Variants in GALNT13 observed in about 807,000 individuals in gnomAD.
GALNT13 encodes the protein polypeptide N-acetylgalactosaminyltransferase 13.
Under a neutral mutation model 64.2 loss-of-function variants are expected in GALNT13, and 28 were observed. The observed-to-expected ratio is 0.44, with a 90% CI of 0.32 to 0.60. The LOEUF (loss-of-function observed/expected upper bound fraction) is 0.60. Ranked by LOEUF, GALNT13 falls within the 20% of genes least tolerant of loss-of-function variation. GALNT13 has a pLI of 0.05. For missense variants in GALNT13, 577 were observed against 669.8 expected, an observed-to-expected ratio of 0.86 and a Z score of 1.53; for synonymous variants, 214 against 224.6, an observed-to-expected ratio of 0.95 and a Z score of 0.42.
chr2:153,726,855 G>A, the GALNT13 span, among the ~76,000 whole-genome samples: 2 of 150,652 alleles, frequency 1.3e-5, no homozygotes, highest in Non-Finnish European at 2.9e-5. Flanking sequence ...CGGGAGAATG[G>A]TGTGAACCCG....
intron 9 of GALNT13, among the ~76,000 whole-genome samples, chr2:154,355,005 C>A (rs1431209257): frequency 6.6e-6 from 1 of 152,058 alleles, no homozygotes. Flanking sequence ...AAATTAGATT[C>A]AGTTGGAATT....
At chr2:154,337,701 A>G (rs1211621084) in intron 9 of GALNT13, among the ~76,000 whole-genome samples, 1 of 152,126 alleles carries the variant, frequency 6.6e-6, no homozygotes, top group Non-Finnish European at 1.5e-5. Context: ...TACAGTAAAT[A>G]TTAATTGCCC....
the GALNT13 span, among the ~76,000 whole-genome samples, chr2:153,271,114 A>G: frequency 1.1e-4 from 17 of 152,208 alleles, no homozygotes; most frequent in African/African-American, 4.1e-4. Context: ...TTGATGGAAC[A>G]TATCTCAAAA....
At chr2:154,302,670 T>G (rs1346702299) in intron 9 of GALNT13, among the ~76,000 whole-genome samples, 1 of 152,162 alleles carries the variant, frequency 6.6e-6, no homozygotes, top group East Asian at 1.9e-4. Context: ...TGTTACACAT[T>G]TTAGAGAGAC....
At chr2:154,364,364 G>A (rs1272631630) in intron 9 of GALNT13, among the ~76,000 whole-genome samples, 1 of 152,160 alleles carries the variant, frequency 6.6e-6, no homozygotes, top group Non-Finnish European at 1.5e-5. Context: ...CACTTATCCT[G>A]TAGGAAATCA....
the GALNT13 span, among the ~76,000 whole-genome samples, chr2:153,548,284 T>C: frequency 1.3e-5 from 2 of 152,120 alleles, no homozygotes; most frequent in Non-Finnish European, 2.9e-5. Context: ...CCGTGGATCA[T>C]AATAAAACAC....
At chr2:154,313,286 T>G (rs987378945) in intron 9 of GALNT13, among the ~76,000 whole-genome samples, 1 of 148,350 alleles carries the variant, frequency 6.7e-6, no homozygotes, top group African/African-American at 2.5e-5. Flanking sequence ...TTAAGTTCTA[T>G]TCACTTTAGA....
the GALNT13 span, among the ~76,000 whole-genome samples, chr2:153,731,353 G>C: frequency 1.3e-5 from 2 of 151,794 alleles, no homozygotes; most frequent in Admixed American, 1.3e-4. Flanking sequence ...ATTGCAAAAA[G>C]TGGGACGTGG....
At position 154,339,336 on chromosome 2, in the gene GALNT13, T is replaced by C. The variant is rs573813013; in HGVS notation, c.1156+37747T>C. Among the ~76,000 whole-genome samples, 6 of 152,272 alleles carry C rather than the reference T, an allele frequency of 3.9e-5. No homozygotes were observed. In the East Asian group the frequency reaches 1.2e-3, roughly 29 times the overall value. On this transcript the variant is annotated intron_variant, in intron 9 of 12. Transcript: ENST00000392825. ...TAACTGTAATAATACTGTTGTATCA[T>C]TGGTTGTTTCTAATTTGGAGGAACT... is the stretch of plus-strand genomic sequence containing the variant.
At chr2:153,543,824 C>T in the GALNT13 span, among the ~76,000 whole-genome samples, 2 of 152,210 alleles carry the variant, frequency 1.3e-5, no homozygotes, top group Non-Finnish European at 2.9e-5. Flanking sequence ...GATAACAGTA[C>T]TCACATTTAA....
At chr2:154,138,403 CAG>C (rs1197826199) in intron 3 of GALNT13, among the ~76,000 whole-genome samples, 1 of 151,930 alleles carries the variant, frequency 6.6e-6, no homozygotes, top group East Asian at 1.9e-4. Flanking sequence ...CAACTGTAAA[CAG>C]GGAATTTCTT....
intron 3 of GALNT13, among the ~76,000 whole-genome samples, chr2:154,022,797 ATTTGGGATC>A (rs1226229936): frequency 6.6e-6 from 1 of 151,128 alleles, no homozygotes; most frequent in Non-Finnish European, 1.5e-5. Context: ...TAGGGTGTCA[ATTTGGGATC>A]TTTCCTGCTT....
chr2:153,301,985 A>G, the GALNT13 span, among the ~76,000 whole-genome samples: 2 of 151,788 alleles, frequency 1.3e-5, no homozygotes, highest in African/African-American at 4.8e-5. Flanking sequence ...CTTGGCTATT[A>G]TGAATAAGAC....
chr2:153,523,436 G>C, the GALNT13 span, among the ~76,000 whole-genome samples: 1 of 152,010 alleles, frequency 6.6e-6, no homozygotes, highest in African/African-American at 2.4e-5. Flanking sequence ...ACAATATTGA[G>C]TCTTTTGTTC....
the GALNT13 span, among the ~76,000 whole-genome samples, chr2:153,847,162 A>T: frequency 1.3e-5 from 2 of 152,140 alleles, no homozygotes; most frequent in African/African-American, 4.8e-5. Flanking sequence ...ACCTTTCACA[A>T]TGACAAAGGG....
the GALNT13 span, among the ~76,000 whole-genome samples, chr2:153,207,077 A>G: frequency 1.3e-5 from 2 of 152,126 alleles, no homozygotes; most frequent in African/African-American, 4.8e-5. Flanking sequence ...CACTGTTTAT[A>G]TTACTATCTT....
chr2:154,336,206 G>A (rs1356376203), intron 9 of GALNT13, among the ~76,000 whole-genome samples: 1 of 152,006 alleles, frequency 6.6e-6, no homozygotes, highest in Admixed American at 6.6e-5. Flanking sequence ...ACTGTGTGGG[G>A]CAATCCAAAT....
rs145510988 is a variant in GALNT13 at position 154,242,514 on chromosome 2, T to C, written c.479-184T>C. Among the ~76,000 whole-genome samples the C allele has an allele frequency of 8.9e-3, 1,353 of 152,322 alleles. 14 individuals carry two copies. Among genetic ancestry groups the C allele is most frequent in the South Asian group, 0.036 (176 of 4,830 alleles). On this transcript the variant is annotated intron_variant, in intron 5 of 12. Coordinates refer to ENST00000392825, the MANE Select transcript of GALNT13 (RefSeq NM_052917.4). Reference sequence around the variant, plus strand: ...GATTATATTATTGAGCATTCTCATATGATTTTATGGATACTTGACATTAAT... The same window carrying C: ...GATTATATTATTGAGCATTCTCATACGATTTTATGGATACTTGACATTAAT...
At chr2:153,623,492 G>T in the GALNT13 span, among the ~76,000 whole-genome samples, 1 of 151,988 alleles carries the variant, frequency 6.6e-6, no homozygotes. Context: ...AAAGTAGTTT[G>T]CTTTGCTACA....
Sources: allele counts gnomAD v4.1 joint callset (sites outside exome capture counted in the v4.1 genomes callset), GRCh38; gene constraint gnomAD v4.1.1; transcripts MANE v1.5; gene names NCBI Gene and HGNC (gene_info 2026-07-23, HGNC 2026-07-21).